The following CNTRL variants were observed in gnomAD, a reference collection of about 807,000 sequenced individuals.
CNTRL encodes the protein 110 kDa centrosomal protein.
A neutral mutation model predicts 303.7 loss-of-function variants in CNTRL; 233 were observed. The ratio of observed to expected loss-of-function variants is 0.77; its 90% CI spans 0.69 to 0.86. CNTRL has a LOEUF of 0.86. Ranked by LOEUF, CNTRL falls within the 40% of genes least tolerant of loss-of-function variation. The pLI is 0.00. For missense variants in CNTRL, 2,524 were observed against 2,650.6 expected (o/e 0.95, Z 1.05); for synonymous variants, 900 against 922.2 (o/e 0.98, Z 0.44).
chr9:121,124,893 C>T (rs957811840), intron 13 of CNTRL, among the ~76,000 whole-genome samples: 9 of 150,642 alleles, frequency 6.0e-5, no homozygotes, highest in South Asian at 2.1e-4. Flanking sequence ...TACAGTGAAC[C>T]GTGATTGTGC....
chr9:121,121,857 T>G (rs1588160347), intron 12 of CNTRL: 1 of 985,202 alleles, frequency 1.0e-6, no homozygotes, highest in Non-Finnish European at 1.2e-6. Flanking sequence ...GAGAGGGAAG[T>G]GCACATGAAT....
intron 12 of CNTRL, chr9:121,122,085 T>G (rs530890358): frequency 3.0e-4 from 78 of 260,334 alleles, no homozygotes; most frequent in African/African-American, 1.7e-3. Context: ...TTTGTTCCCA[T>G]GTATTTAATG....
intron 38 of CNTRL, 38 bp downstream of exon 38, chr9:121,168,359 T>C: frequency 6.4e-7 from 1 of 1,571,282 alleles, no homozygotes; most frequent in South Asian, 1.1e-5. Flanking sequence ...AGATGGGGTA[T>C]GGATTGGCTC....
At chr9:121,124,486 T>C (rs1276810310) in intron 13 of CNTRL, among the ~76,000 whole-genome samples, 1 of 152,160 alleles carries the variant, frequency 6.6e-6, no homozygotes, top group Non-Finnish European at 1.5e-5. Context: ...CTGCGACATA[T>C]CCATAATAGT....
chr9:121,152,739 C>A, intron 26 of CNTRL, 46 bp downstream of exon 26: 1 of 1,375,454 alleles, frequency 7.3e-7, no homozygotes, highest in South Asian at 1.2e-5. Flanking sequence ...GATATTAGTT[C>A]ATTAATGCTG....
At position 121,154,927 on chromosome 9, in the gene CNTRL, T is replaced by C. The variant is rs2052483450; in HGVS notation, c.4365+14T>C. 1 of 1,612,246 alleles carries C rather than the reference T, an allele frequency of 6.2e-7. No individual in the cohort carries two copies. The highest frequency in any genetic ancestry group is 1.7e-5 in the Admixed American group (1 of 60,002). On this transcript the variant is annotated intron_variant, in intron 27 of 43. Coordinates refer to ENST00000373855, the MANE Select transcript of CNTRL (RefSeq NM_007018.6). Reference sequence around the variant, plus strand: ...ACTAAAGAAAAGGTTTGTCTTCTTGTGGTTTGGGGTGTGAGCTCAGTGTGG... The same window carrying C: ...ACTAAAGAAAAGGTTTGTCTTCTTGCGGTTTGGGGTGTGAGCTCAGTGTGG...
rs1299609646 is a variant in CNTRL, at chr9:121,146,128, A to C, written c.3331A>C (p.Asn1111His). Residue 1111 changes from asparagine to histidine, a missense_variant, in exon 23 of 44, where the codon AAT (asparagine) becomes CAT (histidine). Transcript: ENST00000373855. ...TACAGACAACAAAGGAGGCTTTGAA[A>C]ATGTTTTAGAAGAAATTGCTGAACT... ...TGSDNKGGFE[N>H]VLEEIAELRR... 2 of 1,610,704 alleles carry C rather than the reference A, an allele frequency of 1.2e-6. No individual in the cohort carries two copies. The highest frequency in any genetic ancestry group is 1.7e-6 in the Non-Finnish European group (2 of 1,179,184).
intron 23 of CNTRL, 90 bp downstream of exon 23, chr9:121,146,346 CA>C: frequency 6.9e-6 from 9 of 1,298,708 alleles, no homozygotes; most frequent in Non-Finnish European, 8.5e-6. Flanking sequence ...GAACAGGTAC[CA>C]AAAACAACAT....
intron 7 of CNTRL, among the ~76,000 whole-genome samples, chr9:121,102,310 C>T (rs946492738): frequency 1.3e-5 from 2 of 152,194 alleles, no homozygotes; most frequent in African/African-American, 4.8e-5. Context: ...ATATTATTAT[C>T]TCAATAGATG....
rs2053146841 is a variant in CNTRL, at chr9:121,167,611, A to G, written c.5778A>G (p.Gln1926=). Residue 1926 remains glutamine (Q), a synonymous_variant, in exon 37 of 44, where the codon CAA becomes CAG. Coordinates refer to ENST00000373855, the MANE Select transcript of CNTRL (RefSeq NM_007018.6). ...EDCQKEEETK[Q]QQLQVLQNEI... is the part of the protein sequence containing the mutation. ...GTCAGAAAGAAGAGGAGACAAAACA[A>G]CAACAACTTCAAGTGCTTCAGAATG... is the stretch of plus-strand genomic sequence containing the variant. 1.2e-6 allele frequency: 2 copies of G among 1,614,112 alleles called. No homozygotes were observed. The highest frequency in any genetic ancestry group is 1.3e-5 in the African/African-American group (1 of 74,946).
At chr9:121,086,373 G>A (rs986687402) in intron 2 of CNTRL, among the ~76,000 whole-genome samples, 14 of 152,166 alleles carry the variant, frequency 9.2e-5, no homozygotes, top group Non-Finnish European at 1.9e-4. Flanking sequence ...TAGAACCGGG[G>A]ACTTCACTTC....
At chr9:121,157,172 C>T (rs114693094) in intron 27 of CNTRL, among the ~76,000 whole-genome samples, 153 of 152,174 alleles carry the variant, frequency 1.0e-3, no homozygotes, top group African/African-American at 3.4e-3. Context: ...AACATTCTTC[C>T]GTGTTGCTAC....
intron 41 of CNTRL, 34 bp downstream of exon 41, chr9:121,173,543 A>G (rs763345494): frequency 8.1e-6 from 13 of 1,610,154 alleles, no homozygotes; most frequent in Non-Finnish European, 1.1e-5. Flanking sequence ...CTGGGTTCGT[A>G]GGATTGACCA....
Position 121,165,043 on chromosome 9 carries a change from A to T in CNTRL, c.5524A>T (p.Asn1842Tyr). ...ACTGCAGCAGGAACTAGACCAACTA[A>T]ACAGAGACAAGTTGTCACTGCATAA... ...RKLQQELDQL[N>Y]RDKLSLHNDI... is the part of the protein sequence containing the mutation. Residue 1842 changes from asparagine to tyrosine, a missense_variant, in exon 35 of 44, where the codon AAC becomes TAC. Physicochemically the swap from Asn to Tyr is moderately radical, Grantham distance 143. Coordinates refer to ENST00000373855, the MANE Select transcript of CNTRL (RefSeq NM_007018.6). 6.2e-7 allele frequency: 1 copy of T among 1,608,602 alleles called. No homozygotes were observed. Among genetic ancestry groups the T allele is most frequent in the Non-Finnish European group, 8.5e-7 (1 of 1,178,110 alleles).
chr9:121,132,212 T>A (rs927729927), intron 14 of CNTRL, among the ~76,000 whole-genome samples: 1 of 152,240 alleles, frequency 6.6e-6, no homozygotes, highest in African/African-American at 2.4e-5. Context: ...CTGGATAATA[T>A]CCTGAAGAGT....
intron 14 of CNTRL, among the ~76,000 whole-genome samples, chr9:121,135,190 T>C (rs1488867781): frequency 1.3e-5 from 2 of 152,242 alleles, no homozygotes; most frequent in African/African-American, 4.8e-5. Context: ...TTGTTAGCAC[T>C]CATTTAAGGT....
At chr9:121,089,611 A>G (rs1287187578) in intron 3 of CNTRL, among the ~76,000 whole-genome samples, 2 of 152,218 alleles carry the variant, frequency 1.3e-5, no homozygotes, top group Non-Finnish European at 2.9e-5. Flanking sequence ...ATAAAAAAAT[A>G]GGAAAAGAGG....
In CNTRL at chr9:121,121,828, TG is replaced by T. The variant is rs2050243967; in HGVS notation, c.1651-2102del. On this transcript the variant is annotated intron_variant, in intron 12 of 43. Transcript: ENST00000373855. ...GAAGTTACAGAGGCTCGGAGGCGCT[TG>T]CAAAAATGTGGCTGTCAGAGAGGGA... 3 of 985,410 alleles carry T rather than the reference TG, an allele frequency of 3.0e-6. No homozygotes were observed. The South Asian group carries it at 1.4e-4, about 46-fold the overall frequency. 61.0% of individuals were successfully genotyped at this position (985,410 alleles called of 1,614,324 possible). A position where few individuals can be genotyped will look rare whatever the true frequency, so the allele number is the denominator to read the frequency against.
At chr9:121,161,245 C>T in intron 32 of CNTRL, 1 of 436,544 alleles carries the variant, frequency 2.3e-6, no homozygotes. Flanking sequence ...GGTGGGTTTT[C>T]ATTTTTTTCT....
Sources: gnomAD v4.1 joint callset for allele counts (sites outside exome capture counted in the v4.1 genomes callset) on GRCh38, gnomAD v4.1.1 for gene constraint, MANE v1.5 for transcripts, NCBI Gene and HGNC (gene_info 2026-07-23, HGNC 2026-07-21) for gene names.